Variants in LCA5 observed in about 807,000 individuals in gnomAD.
LCA5 encodes lebercilin.
Under a neutral mutation model 53.0 loss-of-function variants are expected in LCA5, and 37 were observed. The ratio of observed to expected loss-of-function variants is 0.70; its 90% confidence interval spans 0.54 to 0.92. The LOEUF is 0.92. Among genes scored for constraint, LCA5 ranks in the 40% least tolerant of loss-of-function variants. The pLI is 0.00. For missense variants in LCA5, 806 were observed against 790.5 expected (o/e 1.02, Z -0.23); for synonymous variants, 303 against 282.9 (o/e 1.07, Z -0.71).
rs990580165 is a variant in LCA5, at chr6:79,485,209, GA to G, written c.*1794del. 4 of 152,484 alleles carry G rather than the reference GA, an allele frequency of 2.6e-5. No homozygotes were observed. The highest frequency in any genetic ancestry group is 2.6e-4 in the Admixed American group (4 of 15,284). The allele number at this position is 152,484 out of a possible 1,614,324, so 9.4% of individuals were successfully genotyped here. On this transcript the variant is annotated 3_prime_UTR_variant, in exon 8 of 8. Transcript: ENST00000369846. Reference sequence around the variant, plus strand: ...TTCTGTCTTGTTGCATCTTGTTAAAGAGATTATCAGGTAGAAAAAAAGCAAA... The same window carrying G: ...TTCTGTCTTGTTGCATCTTGTTAAAGGATTATCAGGTAGAAAAAAAGCAAA...
At chr6:79,515,672 C>T (rs1480602960) in intron 2 of LCA5, among the ~76,000 whole-genome samples, 1 of 151,968 alleles carries the variant, frequency 6.6e-6, no homozygotes, top group Admixed American at 6.6e-5. Context: ...GAAGATCCAA[C>T]CTTTCCTTCC....
intron 1 of LCA5, among the ~76,000 whole-genome samples, chr6:79,534,013 A>G (rs1191304014): frequency 6.6e-6 from 1 of 150,642 alleles, no homozygotes; most frequent in Admixed American, 6.6e-5. Flanking sequence ...GATAAAAGTA[A>G]AAACCATATT....
intron 1 of LCA5, among the ~76,000 whole-genome samples, chr6:79,527,480 G>C (rs1488143682): frequency 1.3e-5 from 2 of 152,196 alleles, no homozygotes; most frequent in East Asian, 3.9e-4. Context: ...GTCTTACCTT[G>C]TGGGAATTTG....
chr6:79,488,107 G>A (rs1769724855), intron 7 of LCA5: 2 of 468,742 alleles, frequency 4.3e-6, no homozygotes, highest in African/African-American at 2.0e-5. Flanking sequence ...TACTGGTGGG[G>A]AAGAAAGGTT....
intron 1 of LCA5, among the ~76,000 whole-genome samples, chr6:79,523,470 A>G (rs2127685617): frequency 6.6e-6 from 1 of 152,354 alleles, no homozygotes; most frequent in South Asian, 2.1e-4. Flanking sequence ...TAACTACTTT[A>G]GAGAATTCTT....
At chr6:79,487,894 G>A (rs759184149) in intron 7 of LCA5, 28 bp from the exon 8 acceptor site, 2 of 1,547,036 alleles carry the variant, frequency 1.3e-6, no homozygotes, top group Non-Finnish European at 1.8e-6. Flanking sequence ...TTTTAAATGG[G>A]ATTTTGTAAC....
At chr6:79,495,321 G>A (rs1019980946) in intron 3 of LCA5, among the ~76,000 whole-genome samples, 3 of 152,086 alleles carry the variant, frequency 2.0e-5, no homozygotes. Context: ...GTTGGGGACC[G>A]CTGTACTAAA....
At chr6:79,531,156 C>T (rs1014104418) in intron 1 of LCA5, among the ~76,000 whole-genome samples, 13 of 152,142 alleles carry the variant, frequency 8.5e-5, no homozygotes, top group Non-Finnish European at 1.8e-4. Flanking sequence ...GTGACCTACT[C>T]AATATTTCAA....
intron 3 of LCA5, among the ~76,000 whole-genome samples, chr6:79,500,735 T>C (rs1770115222): frequency 6.6e-6 from 1 of 152,210 alleles, no homozygotes; most frequent in African/African-American, 2.4e-5. Flanking sequence ...ACCAGTTTTC[T>C]AGTAATATTC....
intron 4 of LCA5, 51 bp downstream of exon 4, chr6:79,493,562 A>T: frequency 6.7e-7 from 1 of 1,499,168 alleles, no homozygotes; most frequent in Non-Finnish European, 9.3e-7. Context: ...TAAAATATTT[A>T]ATTTTCGTCT....
chr6:79,525,051 C>T (rs941336939), intron 1 of LCA5: 1 of 151,844 alleles, frequency 6.6e-6, no homozygotes, highest in Non-Finnish European at 1.5e-5. Context: ...CTTTGTTGTT[C>T]CGATTTTTAA....
At chr6:79,531,142 T>C (rs1283783401) in intron 1 of LCA5, among the ~76,000 whole-genome samples, 2 of 152,146 alleles carry the variant, frequency 1.3e-5, no homozygotes, top group African/African-American at 4.8e-5. Context: ...TGACTCTTCG[T>C]TGAGTGACCT....
At chr6:79,536,118 A>G (rs1021909511) in intron 1 of LCA5, among the ~76,000 whole-genome samples, 2 of 152,256 alleles carry the variant, frequency 1.3e-5, no homozygotes, top group African/African-American at 4.8e-5. Context: ...ATTATTTCCT[A>G]TAACTTATTT....
intron 1 of LCA5, among the ~76,000 whole-genome samples, chr6:79,522,735 G>T (rs2127685121): frequency 6.6e-6 from 1 of 152,172 alleles, no homozygotes; most frequent in Middle Eastern, 3.4e-3. Context: ...TGCCTAGACT[G>T]GAGTGCAGTG....
chr6:79,520,793 A>G (rs1766602108), intron 1 of LCA5, among the ~76,000 whole-genome samples: 1 of 152,260 alleles, frequency 6.6e-6, no homozygotes, highest in Non-Finnish European at 1.5e-5. Context: ...TATTGCTCAT[A>G]GTCTGGCATA....
chr6:79,520,193 C>A (rs547397344), intron 1 of LCA5, among the ~76,000 whole-genome samples: 1 of 151,376 alleles, frequency 6.6e-6, no homozygotes, highest in South Asian at 2.1e-4. Flanking sequence ...AAATTAAATG[C>A]CTAATCATTG....
At chr6:79,513,022 C>T in intron 3 of LCA5, 190 bp downstream of exon 3, 1 of 624,802 alleles carries the variant, frequency 1.6e-6, no homozygotes, top group South Asian at 1.8e-5. Flanking sequence ...CAACATGTAG[C>T]TCATTAATGT....
chr6:79,522,342 A>G (rs1305860679), intron 1 of LCA5, among the ~76,000 whole-genome samples: 3 of 152,126 alleles, frequency 2.0e-5, no homozygotes, highest in Non-Finnish European at 2.9e-5. Context: ...GCCAGACACC[A>G]TGTCTCTGAT....
chr6:79,494,082 C>T (rs891655066), intron 3 of LCA5, among the ~76,000 whole-genome samples: 3 of 152,048 alleles, frequency 2.0e-5, no homozygotes, highest in Non-Finnish European at 2.9e-5. Context: ...AAGACCCCAT[C>T]TCTATAAAAT....
Sources: allele counts gnomAD v4.1 joint callset (sites outside exome capture counted in the v4.1 genomes callset), GRCh38; gene constraint gnomAD v4.1.1; transcripts MANE v1.5; gene names NCBI Gene and HGNC (gene_info 2026-07-23, HGNC 2026-07-21).